RGS6: variants seen among roughly 807,000 people sequenced by gnomAD.
RGS6 encodes regulator of G-protein signaling 6.
RGS6 carries 30 observed loss-of-function variants against 78.5 expected under a neutral mutation model. The observed-to-expected ratio is 0.38, with a 90% CI of 0.29 to 0.52. The LOEUF (loss-of-function observed/expected upper bound fraction) is 0.52, where lower values mean the gene tolerates loss of function less well. RGS6 is among the 20% of genes least tolerant of loss of function. RGS6 has a pLI of 0.85. For missense variants in RGS6, 495 were observed against 609.7 expected (o/e 0.81, Z 1.98); for synonymous variants, 206 against 206.0 (o/e 1.00, Z 0.00).
chr14:72,192,024 C>T (rs1395743584), intron 2 of RGS6, among the ~76,000 whole-genome samples: 4 of 152,132 alleles, frequency 2.6e-5, no homozygotes, highest in Non-Finnish European at 4.4e-5. Context: ...CAGACATGCA[C>T]GTGGGTCATT....
At chr14:72,365,469 G>A (rs997667130) in intron 3 of RGS6, among the ~76,000 whole-genome samples, 2 of 152,198 alleles carry the variant, frequency 1.3e-5, no homozygotes, top group Non-Finnish European at 2.9e-5. Context: ...GCTTTGTGGT[G>A]TGTTTGTTTA....
intron 2 of RGS6, among the ~76,000 whole-genome samples, chr14:72,229,669 C>G (rs180995449): frequency 6.6e-6 from 1 of 152,258 alleles, no homozygotes; most frequent in Non-Finnish European, 1.5e-5. Flanking sequence ...GACAGATGCA[C>G]AGATCAAATT....
chr14:71,915,665 G>C, the RGS6 span, among the ~76,000 whole-genome samples: 1 of 152,152 alleles, frequency 6.6e-6, no homozygotes, highest in African/African-American at 2.4e-5. Context: ...ATGTTCATTT[G>C]TGCTGAAGTG....
At chr14:72,329,443 T>C (rs1386403974) in intron 2 of RGS6, among the ~76,000 whole-genome samples, 1 of 151,858 alleles carries the variant, frequency 6.6e-6, no homozygotes, top group African/African-American at 2.4e-5. Flanking sequence ...TCAGAGGGAG[T>C]GGTTGTGGAA....
At chr14:72,120,528 A>T (rs890874727) in intron 2 of RGS6, among the ~76,000 whole-genome samples, 3 of 152,242 alleles carry the variant, frequency 2.0e-5, no homozygotes, top group African/African-American at 7.2e-5. Context: ...CCATAACATC[A>T]CCAGCAGCCT....
intron 2 of RGS6, among the ~76,000 whole-genome samples, chr14:72,252,470 A>G (rs1050597362): frequency 2.6e-5 from 4 of 152,240 alleles, no homozygotes; most frequent in Admixed American, 2.0e-4. Flanking sequence ...TATCTGCAGT[A>G]TAAATTTAGG....
intron 2 of RGS6, among the ~76,000 whole-genome samples, chr14:72,235,891 A>C (rs1259436107): frequency 2.0e-5 from 3 of 152,236 alleles, no homozygotes; most frequent in Admixed American, 6.5e-5. Context: ...TAGAAAGTGA[A>C]ATTGGTTTCT....
the RGS6 span, among the ~76,000 whole-genome samples, chr14:72,608,185 T>C: frequency 5.3e-5 from 8 of 152,344 alleles, no homozygotes; most frequent in South Asian, 1.7e-3. Flanking sequence ...GTGAGCCTCA[T>C]GAGAGGTAGA....
intron 3 of RGS6, 134 bp downstream of exon 3, chr14:72,352,328 G>A (rs2079262284): frequency 5.0e-6 from 3 of 604,196 alleles, no homozygotes; most frequent in Non-Finnish European, 8.6e-6. Flanking sequence ...CTTGACTCAG[G>A]TCCCATCCTA....
chr14:72,358,969 C>G (rs2529459), intron 3 of RGS6, among the ~76,000 whole-genome samples: 58,387 of 151,974 alleles, frequency 0.38, 13,547 homozygotes, highest in African/African-American at 0.66. Flanking sequence ...GGGTTGGTTA[C>G]CTCCATGCTT....
Position 72,532,837 on chromosome 14 carries a change from G to C in RGS6, c.1279-3349G>C, listed in dbSNP as rs139025220. Among the ~76,000 whole-genome samples the C allele has an allele frequency of 2.9e-3, 446 of 152,312 alleles. 1 individual carries two copies. The highest frequency in any genetic ancestry group is 0.01 in the African/African-American group (433 of 41,556). On this transcript the variant is annotated intron_variant, in intron 15 of 17. Coordinates refer to ENST00000553525, the MANE Select transcript of RGS6 (RefSeq NM_001204424.2). Reference sequence around the variant, plus strand: ...TGAGGAAGCTGCAGAAGAAAAGTTTGAAGCTAACAGAGGTTGGTTCATGTG... The same window carrying C: ...TGAGGAAGCTGCAGAAGAAAAGTTTCAAGCTAACAGAGGTTGGTTCATGTG...
Position 72,484,907 on chromosome 14 carries a change from G to C in RGS6, c.854+6578G>C, listed in dbSNP as rs59095266. On this transcript the variant is annotated intron_variant, in intron 12 of 17. Coordinates refer to ENST00000553525, the MANE Select transcript of RGS6 (RefSeq NM_001204424.2). ...GCTACTAAATGACTGACCACAGAGT[G>C]TACCCCTGGTAGCCATCTGGTAGAT... Among the ~76,000 whole-genome samples the C allele has an allele frequency of 5.9e-4, 87 of 147,720 alleles. 1 individual carries two copies. The East Asian group carries it at 0.017, about 29-fold the overall frequency.
chr14:72,567,254 C>T (rs1006664082), downstream of RGS6, among the ~76,000 whole-genome samples: 2 of 152,138 alleles, frequency 1.3e-5, no homozygotes. Context: ...ATTTTCTGCC[C>T]CACAGAGTTA....
intron 2 of RGS6, among the ~76,000 whole-genome samples, chr14:72,289,910 A>ATCC (rs1161262644): frequency 3.3e-5 from 5 of 152,226 alleles, no homozygotes; most frequent in African/African-American, 1.2e-4. Context: ...GCTGAAAGTT[A>ATCC]TTGGTCTCTC....
intron 1 of RGS6, among the ~76,000 whole-genome samples, chr14:71,945,577 A>G (rs1375228579): frequency 6.6e-6 from 1 of 152,220 alleles, no homozygotes; most frequent in Non-Finnish European, 1.5e-5. Context: ...AAATACATTT[A>G]TATCTATTTT....
intron 2 of RGS6, among the ~76,000 whole-genome samples, chr14:72,351,887 T>C (rs1015317502): frequency 6.6e-6 from 1 of 152,204 alleles, no homozygotes; most frequent in Admixed American, 6.5e-5. Flanking sequence ...ACATGACTTA[T>C]GCTCTGTATA....
upstream of RGS6, among the ~76,000 whole-genome samples, chr14:71,928,014 C>A (rs1004733388): frequency 1.3e-5 from 2 of 151,926 alleles, no homozygotes; most frequent in Non-Finnish European, 2.9e-5. Context: ...AGAAACAGAT[C>A]CAATTTTGTT....
intron 2 of RGS6, among the ~76,000 whole-genome samples, chr14:72,119,753 A>C (rs943470709): frequency 2.6e-5 from 4 of 152,346 alleles, no homozygotes; most frequent in African/African-American, 9.6e-5. Flanking sequence ...TATATGCACA[A>C]GGAGCTCTGA....
chr14:72,029,535 C>T (rs1262412987), intron 2 of RGS6, among the ~76,000 whole-genome samples: 1 of 152,208 alleles, frequency 6.6e-6, no homozygotes, highest in Non-Finnish European at 1.5e-5. Flanking sequence ...GCCTCTTATA[C>T]AGTCTGCATC....
Sources: allele counts gnomAD v4.1 joint callset (sites outside exome capture counted in the v4.1 genomes callset), GRCh38; gene constraint gnomAD v4.1.1; transcripts MANE v1.5; gene names NCBI Gene and HGNC (gene_info 2026-07-23, HGNC 2026-07-21).